TRPS1: variants seen among roughly 807,000 people sequenced by gnomAD.
TRPS1 encodes zinc finger transcription factor Trps1.
A neutral mutation model predicts 101.2 loss-of-function variants in TRPS1; 6 were observed. The ratio of observed to expected loss-of-function variants is 0.06; its 90% CI spans 0.03 to 0.12. TRPS1 has a LOEUF of 0.12. TRPS1 is among the 10% of genes least tolerant of loss of function. The pLI, the probability that TRPS1 is intolerant of heterozygous loss-of-function variation, is 1.00. For missense variants in TRPS1, 1,363 were observed against 1,567.0 expected, an observed-to-expected ratio of 0.87 and a Z score of 2.20; for synonymous variants, 578 against 589.8, an observed-to-expected ratio of 0.98 and a Z score of 0.29.
chr8:115,609,215 A>C (rs779613207), intron 3 of TRPS1, among the ~76,000 whole-genome samples: 59 of 152,210 alleles, frequency 3.9e-4, no homozygotes, highest in Admixed American at 1.6e-3. Context: ...TAACATGTGC[A>C]TAGGTAGGAT....
chr8:115,539,016 C>T (rs1332559135), intron 5 of TRPS1, among the ~76,000 whole-genome samples: 1 of 152,118 alleles, frequency 6.6e-6, no homozygotes, highest in East Asian at 1.9e-4. Context: ...GCAGTAAGTC[C>T]AAGATGCTTA....
intron 1 of TRPS1, among the ~76,000 whole-genome samples, chr8:115,635,096 A>G (rs1818738045): frequency 6.6e-6 from 1 of 152,180 alleles, no homozygotes; most frequent in African/African-American, 2.4e-5. Context: ...AACCAGTTAA[A>G]AGATAGCACT....
chr8:115,421,998 G>A (rs926850124), intron 5 of TRPS1, among the ~76,000 whole-genome samples: 5 of 152,092 alleles, frequency 3.3e-5, no homozygotes, highest in African/African-American at 1.2e-4. Context: ...AAGCACTAAC[G>A]ATCTTATTTC....
chr8:115,610,102 A>T (rs1818128828), intron 3 of TRPS1, among the ~76,000 whole-genome samples: 1 of 152,250 alleles, frequency 6.6e-6, no homozygotes, highest in African/African-American at 2.4e-5. Flanking sequence ...TTTGAACTAA[A>T]CACAAACCTC....
chr8:115,664,437 C>T (rs1159365200), intron 1 of TRPS1, among the ~76,000 whole-genome samples: 1 of 152,012 alleles, frequency 6.6e-6, no homozygotes, highest in Non-Finnish European at 1.5e-5. Context: ...ATTATGGTAA[C>T]AAAGAATTTA....
At chr8:115,623,227 T>C (rs972260215) in intron 2 of TRPS1, among the ~76,000 whole-genome samples, 1 of 152,084 alleles carries the variant, frequency 6.6e-6, no homozygotes, top group Non-Finnish European at 1.5e-5. Context: ...CTGCTAAAAC[T>C]TCAAAGAAAT....
chr8:115,640,851 C>T (rs1041287649), intron 1 of TRPS1, among the ~76,000 whole-genome samples: 2 of 152,134 alleles, frequency 1.3e-5, no homozygotes, highest in African/African-American at 2.4e-5. Context: ...CTCATTTATA[C>T]CCACTCTCCC....
chr8:115,419,604 T>C (rs1813002675), intron 5 of TRPS1, among the ~76,000 whole-genome samples: 3 of 152,210 alleles, frequency 2.0e-5, no homozygotes, highest in African/African-American at 4.8e-5. Context: ...AGAAGAGTGG[T>C]ATCCCTGCCA....
chr8:115,433,099 T>C (rs562857307), intron 5 of TRPS1, among the ~76,000 whole-genome samples: 1 of 152,130 alleles, frequency 6.6e-6, no homozygotes, highest in African/African-American at 2.4e-5. Context: ...TTTGAAAATA[T>C]CACCATAAAG....
chr8:115,485,812 C>T (rs1814865193), intron 5 of TRPS1, among the ~76,000 whole-genome samples: 1 of 152,182 alleles, frequency 6.6e-6, no homozygotes, highest in South Asian at 2.1e-4. Context: ...TTAGCAGGAA[C>T]TGCAGGATGG....
chr8:115,668,409 C>T (rs1811983380), intron 1 of TRPS1, 136 bp downstream of exon 1: 3 of 137,348 alleles, frequency 2.2e-5, no homozygotes, highest in Non-Finnish European at 4.6e-5. Flanking sequence ...CGCTCGCGAT[C>T]GCCCACATTT....
intron 5 of TRPS1, among the ~76,000 whole-genome samples, chr8:115,460,393 T>C (rs1004850928): frequency 2.0e-5 from 3 of 152,138 alleles, no homozygotes; most frequent in Non-Finnish European, 4.4e-5. Flanking sequence ...TTAAGATTGA[T>C]ATTTGAATCC....
intron 5 of TRPS1, among the ~76,000 whole-genome samples, chr8:115,531,987 C>T (rs544837845): frequency 3.9e-5 from 6 of 152,046 alleles, no homozygotes; most frequent in Non-Finnish European, 5.9e-5. Context: ...TGAGGAATGA[C>T]GAAATCTGAG....
chr8:115,595,342 C>A (rs1563630445), intron 4 of TRPS1, among the ~76,000 whole-genome samples: 1 of 151,792 alleles, frequency 6.6e-6, no homozygotes, highest in Non-Finnish European at 1.5e-5. Context: ...GGAACAAAGA[C>A]AAAAACAGAA....
At chr8:115,500,670 C>T (rs991081801) in intron 5 of TRPS1, among the ~76,000 whole-genome samples, 6 of 151,942 alleles carry the variant, frequency 3.9e-5, no homozygotes, top group Non-Finnish European at 7.4e-5. Context: ...CCCGGGTTCA[C>T]GCCATTCTCT....
intron 5 of TRPS1, among the ~76,000 whole-genome samples, chr8:115,446,793 A>G (rs1033604156): frequency 3.3e-5 from 5 of 152,168 alleles, no homozygotes; most frequent in African/African-American, 9.6e-5. Flanking sequence ...GCATTATTCA[A>G]TTGGAGTCAC....
At chr8:115,502,926 C>T (rs1366014958) in intron 5 of TRPS1, among the ~76,000 whole-genome samples, 2 of 151,966 alleles carry the variant, frequency 1.3e-5, no homozygotes, top group African/African-American at 4.8e-5. Context: ...ACTGATAAGC[C>T]CTACTTGATG....
At chr8:115,471,175 C>T (rs1814459382) in intron 5 of TRPS1, among the ~76,000 whole-genome samples, 1 of 152,268 alleles carries the variant, frequency 6.6e-6, no homozygotes, top group South Asian at 2.1e-4. Flanking sequence ...CATTCTTGTG[C>T]TGCTATACAG....
chr8:115,534,472 C>A (rs1184013384), intron 5 of TRPS1, among the ~76,000 whole-genome samples: 2 of 152,194 alleles, frequency 1.3e-5, no homozygotes, highest in African/African-American at 4.8e-5. Flanking sequence ...TACCATCACA[C>A]TGGAGGTTGA....
Sources: gnomAD v4.1 joint callset for allele counts (sites outside exome capture counted in the v4.1 genomes callset) on GRCh38, gnomAD v4.1.1 for gene constraint, MANE v1.5 for transcripts, NCBI Gene and HGNC (gene_info 2026-07-23, HGNC 2026-07-21) for gene names.